NRIP1: variants seen among roughly 807,000 people sequenced by gnomAD.
NRIP1 encodes the protein nuclear receptor interacting protein 1.
In NRIP1, 28 loss-of-function variants were observed where a neutral mutation model predicts 75.0. That is an observed-to-expected ratio of 0.37 (90% confidence interval 0.28 to 0.51). NRIP1 has a LOEUF of 0.51. Among genes scored for constraint, NRIP1 ranks in the 20% least tolerant of loss-of-function variants. The pLI, the probability that NRIP1 is intolerant of heterozygous loss-of-function variation, is 0.92. For missense variants in NRIP1, 1,435 were observed against 1,343.7 expected, an observed-to-expected ratio of 1.07 and a Z score of -1.06; for synonymous variants, 526 against 487.6, an observed-to-expected ratio of 1.08 and a Z score of -1.04.
chr21:15,054,350 C>A (rs1459782463), intron 1 of NRIP1, among the ~76,000 whole-genome samples: 1 of 152,106 alleles, frequency 6.6e-6, no homozygotes, highest in African/African-American at 2.4e-5. Context: ...CTAGTAGGCT[C>A]CAGAAATATT....
At chr21:15,036,305 ACAT>A (rs1343463371) in intron 2 of NRIP1, among the ~76,000 whole-genome samples, 7 of 152,322 alleles carry the variant, frequency 4.6e-5, no homozygotes, top group African/African-American at 1.4e-4. Context: ...TCCCAATTGC[ACAT>A]CATATTTTGT....
In NRIP1 at chr21:14,966,878, C is replaced by T. The variant is rs903704543; in HGVS notation, c.1315G>A (p.Val439Ile). The T allele has an allele frequency of 6.2e-7, 1 of 1,614,080 alleles. No individual in the cohort carries two copies. The highest frequency in any genetic ancestry group is 8.5e-7 in the Non-Finnish European group (1 of 1,179,984). The change falls in exon 4 of 4, where the codon GTT becomes ATT. Residue 439 changes from valine to isoleucine, a missense_variant. By Grantham distance (29) the Val-to-Ile change is conservative. Transcript: ENST00000318948. ...TGTTTGCAAGACAAGTCTATGGGAA[C>T]ACAGTTGGAATAAGAACTTTCATCA... is the stretch of plus-strand genomic sequence containing the variant. Reference protein sequence around the residue: ...SGDESSYSNCVPIDLSCKHRT... With the variant: ...SGDESSYSNCIPIDLSCKHRT...
intron 2 of NRIP1, among the ~76,000 whole-genome samples, chr21:15,024,586 G>GTGTGTGTGTGTGTGTGTGTC (rs2088470308): frequency 6.6e-6 from 1 of 151,468 alleles, no homozygotes; most frequent in African/African-American, 2.4e-5. Context: ...GTGTGTGTGT[G>GTGTGTGTGTGTGTGTGTGTC]TGTGTGTGTG....
chr21:15,058,644 G>A lies in NRIP1; in HGVS notation c.-538+6101C>T, dbSNP rs78813001. Among the ~76,000 whole-genome samples, 1,847 of 152,138 alleles carry A rather than the reference G, an allele frequency of 0.012. 204 individuals carry two copies. The East Asian group carries it at 0.26, about 21-fold the overall frequency. Reference sequence around the variant, plus strand: ...AATTCTCAAATTTTGATTGTGTCCTGTTAGTTACCAAACACACCATTATAC... The same window carrying A: ...AATTCTCAAATTTTGATTGTGTCCTATTAGTTACCAAACACACCATTATAC... On this transcript the variant is annotated intron_variant, in intron 1 of 3. Transcript: ENST00000318948.
chr21:15,036,596 G>A (rs572442878), intron 2 of NRIP1, among the ~76,000 whole-genome samples: 4 of 151,228 alleles, frequency 2.6e-5, no homozygotes, highest in South Asian at 4.2e-4. Context: ...GGGTTTTTTT[G>A]GAGGGGGGGA....
intron 3 of NRIP1, among the ~76,000 whole-genome samples, chr21:14,975,748 T>C (rs899808728): frequency 1.3e-5 from 2 of 152,082 alleles, no homozygotes; most frequent in African/African-American, 4.8e-5. Context: ...CTCATCCTTC[T>C]AGACACTTCC....
At chr21:15,054,229 G>C (rs1366109693) in intron 1 of NRIP1, among the ~76,000 whole-genome samples, 8 of 152,164 alleles carry the variant, frequency 5.3e-5, no homozygotes, top group Admixed American at 5.2e-4. Flanking sequence ...AATGAACTCT[G>C]GATGTGAAAT....
intron 2 of NRIP1, among the ~76,000 whole-genome samples, chr21:15,028,503 T>C (rs1051232978): frequency 6.6e-6 from 1 of 152,198 alleles, no homozygotes; most frequent in African/African-American, 2.4e-5. Flanking sequence ...CATTAGTCCT[T>C]GGGTTGTATT....
At chr21:15,065,318 C>T (rs1251278035), upstream of NRIP1, among the ~76,000 whole-genome samples, 5 of 151,878 alleles carry the variant, frequency 3.3e-5, no homozygotes, top group East Asian at 7.9e-4. Flanking sequence ...GAGAGAGGGG[C>T]TGCACGGCGC....
chr21:15,046,477 AG>A (rs1310940195), intron 1 of NRIP1, among the ~76,000 whole-genome samples: 1 of 152,234 alleles, frequency 6.6e-6, no homozygotes, highest in African/African-American at 2.4e-5. Context: ...TCTGTCATCC[AG>A]GCTTCTTCTT....
chr21:15,035,795 A>G (rs1368358521), intron 2 of NRIP1, among the ~76,000 whole-genome samples: 5 of 152,058 alleles, frequency 3.3e-5, no homozygotes, highest in African/African-American at 1.2e-4. Context: ...TGACCTCGTG[A>G]TCCACCCGCC....
At chr21:14,970,590 TC>T (rs775208854) in intron 3 of NRIP1, among the ~76,000 whole-genome samples, 14,802 of 152,188 alleles carry the variant, frequency 0.097, 861 homozygotes, top group East Asian at 0.2. Context: ...TACAATTAAT[TC>T]TCAACTAGTT....
rs1391042603 is a variant in NRIP1 at position 14,965,419 on chromosome 21, C to T, written c.2774G>A (p.Ser925Asn). ...AAAGCTTTTGCTCTCTCTGGCCCAA[C>T]TCCTGTGTTCACTTTCGCTGGCTGA... ...HGSASESEHR[S>N]WARESKSFNV... The change falls in exon 4 of 4, where the codon AGT becomes AAT. Residue 925 changes from serine to asparagine, a missense_variant. By Grantham distance (46) the Ser-to-Asn change is conservative. Transcript: ENST00000318948. 1 of 1,613,906 alleles carries T rather than the reference C, an allele frequency of 6.2e-7. No homozygotes were observed. Among genetic ancestry groups the T allele is most frequent in the Non-Finnish European group, 8.5e-7 (1 of 1,179,938 alleles).
At chr21:14,997,944 T>G (rs530970496) in intron 3 of NRIP1, among the ~76,000 whole-genome samples, 2 of 152,232 alleles carry the variant, frequency 1.3e-5, no homozygotes, top group Admixed American at 6.5e-5. Context: ...AGATTTATTT[T>G]CCAGTAATTG....
chr21:14,991,636 T>C (rs1377688194), intron 3 of NRIP1, among the ~76,000 whole-genome samples: 1 of 152,140 alleles, frequency 6.6e-6, no homozygotes, highest in Non-Finnish European at 1.5e-5. Context: ...CTTGTAAGTG[T>C]CACTCCAGAA....
chr21:14,965,611 A>C lies in NRIP1; in HGVS notation c.2582T>G (p.Leu861Arg). The C allele has an allele frequency of 6.2e-7, 1 of 1,613,634 alleles. No individual in the cohort carries two copies. Among genetic ancestry groups the C allele is most frequent in the Non-Finnish European group, 8.5e-7 (1 of 1,179,940 alleles). ...NLCMVPKKRK[L>R]YTEPLENPFK... ...TGGATTTTCTAATGGCTCAGTATAA[A>C]GCTTCCTTTTCTTAGGGACCATGCA... Residue 861 changes from leucine to arginine, a missense_variant, in exon 4 of 4, where the codon CTT becomes CGT. Leu to Arg is a moderately radical substitution (Grantham distance 102, BLOSUM62 -2). Coordinates refer to ENST00000318948, the MANE Select transcript of NRIP1 (RefSeq NM_003489.4).
intron 3 of NRIP1, among the ~76,000 whole-genome samples, chr21:14,986,765 G>A (rs1038101822): frequency 7.9e-5 from 12 of 152,030 alleles, no homozygotes; most frequent in African/African-American, 2.7e-4. Flanking sequence ...TTGAACTAAC[G>A]ACTTAAACTA....
chr21:14,982,445 A>G (rs552633560), intron 3 of NRIP1, among the ~76,000 whole-genome samples: 1 of 152,170 alleles, frequency 6.6e-6, no homozygotes, highest in African/African-American at 2.4e-5. Context: ...ATGCATACAG[A>G]ATCCTGTAAT....
chr21:15,051,578 C>T (rs1301798114), intron 1 of NRIP1: 1 of 152,434 alleles, frequency 6.6e-6, no homozygotes, highest in Non-Finnish European at 1.5e-5. Context: ...GTTCCCCCAC[C>T]TATCTTGCAT....
Sources: gnomAD v4.1 joint callset for allele counts (sites outside exome capture counted in the v4.1 genomes callset) on GRCh38, gnomAD v4.1.1 for gene constraint, MANE v1.5 for transcripts, NCBI Gene and HGNC (gene_info 2026-07-23, HGNC 2026-07-21) for gene names.